SNX22: variants seen among roughly 807,000 people sequenced by gnomAD.
SNX22 encodes the protein sorting nexin-22.
A neutral mutation model predicts 24.7 loss-of-function variants in SNX22; 23 were observed. The ratio of observed to expected loss-of-function variants is 0.93; its 90% CI spans 0.67 to 1.32. SNX22 has a LOEUF of 1.32. SNX22 is among the 40% of genes most tolerant of loss of function. The pLI, the probability that SNX22 is intolerant of heterozygous loss-of-function variation, is 0.00. For missense variants in SNX22, 261 were observed against 249.9 expected (o/e 1.04, Z -0.30); for synonymous variants, 99 against 104.0 (o/e 0.95, Z 0.29).
chr15:64,152,319 A>C lies in SNX22; in HGVS notation c.152A>C (p.His51Pro), dbSNP rs529328227. The change falls in exon 2 of 7, where the codon CAC becomes CCC. Residue 51 changes from histidine (H) to proline (P), a missense_variant. Physicochemically the swap from His to Pro is moderately conservative, Grantham distance 77. Transcript: ENST00000325881. ...CGCTACAGCGAGTTCCACGCGCTGC[A>C]CAAGCGGGTGAGGCGGCGCCGACCT... ...PRRYSEFHAL[H>P]KRIKKLYKVP... 6.6e-7 allele frequency: 1 copy of C among 1,515,062 alleles called. No individual in the cohort carries two copies. Among genetic ancestry groups the C allele is most frequent in the Admixed American group, 2.1e-5 (1 of 48,204 alleles). 93.9% of individuals were successfully genotyped at this position (1,515,062 alleles called of 1,614,324 possible).
At position 64,156,104 on chromosome 15, in the gene SNX22, C is replaced by G. The variant is rs2081528837; in HGVS notation, c.*1596C>G. 2 of 1,614,040 alleles carry G rather than the reference C, an allele frequency of 1.2e-6. No individual in the cohort carries two copies. Among genetic ancestry groups the G allele is most frequent in the Non-Finnish European group, 1.7e-6 (2 of 1,180,042 alleles). On this transcript the variant is annotated 3_prime_UTR_variant, in exon 7 of 7. Transcript: ENST00000325881. The surrounding 1 kb of genome is among the most constrained non-coding windows in gnomAD (Gnocchi z 6.4). ...TGATCACATCCTTCAGGGGTTTATC[C>G]CGGCTGTCTGTCTTGGTGCTCTCCA...
intron 6 of SNX22, 86 bp downstream of exon 6, chr15:64,154,088 C>T: frequency 6.2e-7 from 1 of 1,612,884 alleles, no homozygotes; most frequent in Admixed American, 1.7e-5. Flanking sequence ...ACAGCATCTC[C>T]TTCCTGCTGC....
intron 1 of SNX22, 84 bp downstream of exon 1, chr15:64,151,934 G>A (rs1370102026): frequency 2.7e-5 from 36 of 1,323,924 alleles, no homozygotes; most frequent in Non-Finnish European, 3.5e-5. Context: ...CGGGGCCCGG[G>A]CCTGGGTGAA....
Position 64,151,753 on chromosome 15 carries a change from G to C in SNX22, c.-23G>C. 6.5e-7 allele frequency: 1 copy of C among 1,529,152 alleles called. No individual in the cohort carries two copies. The allele number at this position is 1,529,152 out of a possible 1,614,324, so 94.7% of individuals were successfully genotyped here. On this transcript the variant is annotated 5_prime_UTR_variant, in exon 1 of 7. Transcript: ENST00000325881. Reference sequence around the variant, plus strand: ...GTTAGGGCTCCGAGCCGAGCGCGCGGAGCAGCTGGGGCCGGGGCGCGGATG... The same window carrying C: ...GTTAGGGCTCCGAGCCGAGCGCGCGCAGCAGCTGGGGCCGGGGCGCGGATG...
At position 64,156,536 on chromosome 15, in the gene SNX22, G is replaced by C. The variant is rs932597682; in HGVS notation, c.*2028G>C. On this transcript the variant is annotated 3_prime_UTR_variant, in exon 7 of 7. Coordinates refer to ENST00000325881, the MANE Select transcript of SNX22 (RefSeq NM_024798.3). This position sits in a 1 kb window ranked among gnomAD's most constrained non-coding sequence, Gnocchi z 6.4. ...TGCAGCCTTCCTGGCTGGGCTCTGA[G>C]GGGGCTGGAAGAATTTAGAACCTTG... The C allele has an allele frequency of 3.9e-6, 3 of 766,052 alleles. No individual in the cohort carries two copies. The highest frequency in any genetic ancestry group is 2.2e-6 in the Non-Finnish European group (1 of 452,308). The allele number at this position is 766,052 out of a possible 1,614,324, so 47.5% of individuals were successfully genotyped here. A position where few individuals can be genotyped will look rare whatever the true frequency, so the allele number is the denominator to read the frequency against.
At position 64,153,476 on chromosome 15, in the gene SNX22, G is replaced by A. The variant is rs2081502116; in HGVS notation, c.359+137G>A. On this transcript the variant is annotated intron_variant, in intron 4 of 6. Transcript: ENST00000325881. ...CCTCACCAGCTCTCTTGACCTGGGT[G>A]GAGGGGCTTTTTTTTGGACAGACTT... The A allele has an allele frequency of 1.4e-5, 20 of 1,454,838 alleles. 1 individual carries two copies. The South Asian group carries it at 1.9e-4, about 14-fold the overall frequency. The allele number at this position is 1,454,838 out of a possible 1,614,324, so 90.1% of individuals were successfully genotyped here. A position where few individuals can be genotyped will look rare whatever the true frequency, so the allele number is the denominator to read the frequency against.
At position 64,151,773 on chromosome 15, in the gene SNX22, C is replaced by T. The variant is rs938326121; in HGVS notation, c.-3C>T. On this transcript the variant is annotated 5_prime_UTR_variant, in exon 1 of 7. Transcript: ENST00000325881. ...GCGCGGAGCAGCTGGGGCCGGGGCG[C>T]GGATGCTGGAAGTTCACATCCCGTC... 3.3e-6 allele frequency: 5 copies of T among 1,526,220 alleles called. No individual in the cohort carries two copies. Among genetic ancestry groups the T allele is most frequent in the Non-Finnish European group, 4.4e-6 (5 of 1,138,184 alleles). 94.5% of individuals were successfully genotyped at this position (1,526,220 alleles called of 1,614,324 possible).
In SNX22 at chr15:64,156,729, C is replaced by T; in HGVS notation, c.*2221C>T. 6.8e-6 allele frequency: 11 copies of T among 1,614,182 alleles called. No individual in the cohort carries two copies. Among genetic ancestry groups the T allele is most frequent in the Non-Finnish European group, 9.3e-6 (11 of 1,180,042 alleles). On this transcript the variant is annotated 3_prime_UTR_variant, in exon 7 of 7. Transcript: ENST00000325881. The surrounding 1 kb of genome is among the most constrained non-coding windows in gnomAD (Gnocchi z 6.4). ...GCCCTTGCTTCCACAACTCACCATG[C>T]CCTCTAGAACTTTGCCAAACACCAC...
intron 3 of SNX22, 76 bp from the exon 4 acceptor site, chr15:64,153,169 C>T: frequency 2.6e-6 from 4 of 1,544,530 alleles, no homozygotes; most frequent in Non-Finnish European, 2.7e-6. Flanking sequence ...GAACAAAGAG[C>T]CCTGCATTTT....
chr15:64,153,019 T>G lies in SNX22; in HGVS notation c.265-226T>G, dbSNP rs1454990084. On this transcript the variant is annotated intron_variant, in intron 3 of 6. Coordinates refer to ENST00000325881, the MANE Select transcript of SNX22 (RefSeq NM_024798.3). ...GTCCTGTGCTGCCCTCCTGATGGCA[T>G]GTAGGGTGAGGGTCCTTCCCCCAAC... 1.3e-5 allele frequency: 8 copies of G among 623,520 alleles called. No homozygotes were observed. The South Asian group carries it at 1.6e-4, about 12-fold the overall frequency. The allele number at this position is 623,520 out of a possible 1,614,324, so 38.6% of individuals were successfully genotyped here. A position where few individuals can be genotyped will look rare whatever the true frequency, so the allele number is the denominator to read the frequency against.
Position 64,156,923 on chromosome 15 carries a change from CAG to C in SNX22, c.*2418_*2419del, listed in dbSNP as rs758284578. On this transcript the variant is annotated 3_prime_UTR_variant, in exon 7 of 7. Coordinates refer to ENST00000325881, the MANE Select transcript of SNX22 (RefSeq NM_024798.3). The surrounding 1 kb of genome is among the most constrained non-coding windows in gnomAD (Gnocchi z 6.4). ...AGATGCTCTTTCCTGGGAAAAAAGA[CAG>C]AGCAGGTCAGGGGCGCTGGATTGCG... 4 of 1,613,818 alleles carry C rather than the reference CAG, an allele frequency of 2.5e-6. No individual in the cohort carries two copies. The East Asian group carries it at 8.9e-5, about 36-fold the overall frequency.
intron 1 of SNX22, 135 bp from the exon 2 acceptor site, chr15:64,152,108 C>A: frequency 4.2e-6 from 4 of 945,322 alleles, no homozygotes; most frequent in Non-Finnish European, 5.8e-6. Flanking sequence ...GCGGAGAGTC[C>A]CCGGGCAGCC....
rs138537382 is a variant in SNX22, at chr15:64,156,695, C to A, written c.*2187C>A. The stretch of plus-strand genomic sequence containing the variant: ...GTGTTGAATCCCCGGTGAGGATTGC[C>A]CAGTAGTAGCCCTTGCTTCCACAAC... On this transcript the variant is annotated 3_prime_UTR_variant, in exon 7 of 7. Coordinates refer to ENST00000325881, the MANE Select transcript of SNX22 (RefSeq NM_024798.3). The surrounding 1 kb of genome is among the most constrained non-coding windows in gnomAD (Gnocchi z 6.4). 500 of 1,613,434 alleles carry A rather than the reference C, an allele frequency of 3.1e-4. 1 individual carries two copies. In the African/African-American group the frequency reaches 6.1e-3, roughly 20 times the overall value.
chr15:64,153,481 G>A lies in SNX22; in HGVS notation c.359+142G>A, dbSNP rs964921496. On this transcript the variant is annotated intron_variant, in intron 4 of 6. Coordinates refer to ENST00000325881, the MANE Select transcript of SNX22 (RefSeq NM_024798.3). Reference sequence around the variant, plus strand: ...CCAGCTCTCTTGACCTGGGTGGAGGGGCTTTTTTTTGGACAGACTTGGTTA... The same window carrying A: ...CCAGCTCTCTTGACCTGGGTGGAGGAGCTTTTTTTTGGACAGACTTGGTTA... 5 of 1,462,654 alleles carry A rather than the reference G, an allele frequency of 3.4e-6. No individual in the cohort carries two copies. The African/African-American group carries it at 7.1e-5, about 21-fold the overall frequency. The allele number at this position is 1,462,654 out of a possible 1,614,324, so 90.6% of individuals were successfully genotyped here.
intron 4 of SNX22, 121 bp from the exon 5 acceptor site, chr15:64,153,531 C>A: frequency 1.3e-6 from 2 of 1,515,186 alleles, no homozygotes; most frequent in Non-Finnish European, 1.8e-6. Flanking sequence ...GGAACTGGGG[C>A]TTGTTACAAA....
Position 64,153,635 on chromosome 15 carries a change from G to A in SNX22, c.360-17G>A, listed in dbSNP as rs754856847. The A allele has an allele frequency of 2.5e-6, 4 of 1,614,060 alleles. No homozygotes were observed. The highest frequency in any genetic ancestry group is 3.4e-6 in the Non-Finnish European group (4 of 1,180,004). ...CCGGCATCCCCAGGCAGCTTACAGT[G>A]TTTCTCTTCTCTTCAGCACCCTGAG... On this transcript the variant is annotated splice_polypyrimidine_tract_variant and intron_variant, in intron 4 of 6. Transcript: ENST00000325881.
intron 6 of SNX22, 77 bp downstream of exon 6, chr15:64,154,079 C>A: frequency 6.2e-7 from 1 of 1,613,562 alleles, no homozygotes; most frequent in Non-Finnish European, 8.5e-7. Flanking sequence ...GACCCTCAGA[C>A]AGCATCTCCT....
rs2081518876 is a variant in SNX22 at position 64,155,186 on chromosome 15, CT to C, written c.*679del. Reference sequence around the variant, plus strand: ...CCACGTTGGCCAGGCTGGTCTTGTACTCCTGACGTCAGGTGATCCACCCGCC... The same window carrying C: ...CCACGTTGGCCAGGCTGGTCTTGTACCCTGACGTCAGGTGATCCACCCGCC... On this transcript the variant is annotated 3_prime_UTR_variant, in exon 7 of 7. Transcript: ENST00000325881. 1 of 152,116 alleles carries C rather than the reference CT, an allele frequency of 6.6e-6. No individual in the cohort carries two copies. Among genetic ancestry groups the C allele is most frequent in the Non-Finnish European group, 1.5e-5 (1 of 68,086 alleles). 9.4% of individuals were successfully genotyped at this position (152,116 alleles called of 1,614,324 possible).
intron 5 of SNX22, 125 bp from the exon 6 acceptor site, chr15:64,153,810 C>A: frequency 6.3e-7 from 1 of 1,592,934 alleles, no homozygotes; most frequent in Non-Finnish European, 8.6e-7. Context: ...TTGGTGCCTC[C>A]TGAGCCCATT....
Sources: gnomAD v4.1 joint callset for allele counts on GRCh38, gnomAD v4.1.1 for gene constraint, Gnocchi (gnomAD v3.1) non-coding constraint, MANE v1.5 for transcripts, NCBI Gene and HGNC (gene_info 2026-07-23, HGNC 2026-07-21) for gene names.